Variants in WWC2 observed in about 807,000 individuals in gnomAD.
The protein encoded by WWC2 is WW and C2 domain containing 2, also known as protein WWC2.
In WWC2, 101 loss-of-function variants were observed where a neutral mutation model predicts 138.5. The observed-to-expected ratio is 0.73, with a 90% CI of 0.62 to 0.86. The LOEUF (loss-of-function observed/expected upper bound fraction) is 0.86. Among genes scored for constraint, WWC2 ranks in the 40% least tolerant of loss-of-function variants. The pLI, the probability that WWC2 is intolerant of heterozygous loss-of-function variation, is 0.00. For synonymous variants in WWC2, 558 were observed against 538.4 expected (o/e 1.04, Z -0.50); for missense variants, 1,420 against 1,419.4 (o/e 1.00, Z -0.01).
At chr4:183,135,314 T>A (rs1186486107) in intron 1 of WWC2, among the ~76,000 whole-genome samples, 4 of 152,202 alleles carry the variant, frequency 2.6e-5, no homozygotes, top group African/African-American at 9.7e-5. Context: ...TACTTTTTGT[T>A]TCCCCTGCCT....
intron 10 of WWC2, among the ~76,000 whole-genome samples, 167 bp from the exon 11 acceptor site, chr4:183,260,743 C>T (rs555109922): frequency 3.9e-5 from 6 of 152,332 alleles, no homozygotes; most frequent in Non-Finnish European, 8.8e-5. Flanking sequence ...TAGACCAGGT[C>T]GTTAACTGAC....
At chr4:183,220,557 G>A (rs933075300) in intron 4 of WWC2, among the ~76,000 whole-genome samples, 15 of 151,298 alleles carry the variant, frequency 9.9e-5, no homozygotes, top group East Asian at 3.9e-4. Context: ...AAAAATGGCC[G>A]GGCGCGGTGG....
In WWC2 at chr4:183,314,321, C is replaced by T. The variant is rs139228344; in HGVS notation, c.3513-1342C>T. Among the ~76,000 whole-genome samples the T allele has an allele frequency of 5.9e-5, 9 of 152,296 alleles. No homozygotes were observed. In the South Asian group the frequency reaches 8.3e-4, roughly 14 times the overall value. On this transcript the variant is annotated intron_variant, in intron 22 of 22. Transcript: ENST00000403733. ...TTAGAGAATAAGCAGCATTGTCTAG[C>T]GTGGAAAGTCACACAACTCGCAGTT...
intron 1 of WWC2, among the ~76,000 whole-genome samples, chr4:183,112,859 G>A (rs187591921): frequency 1.8e-4 from 28 of 152,124 alleles, no homozygotes; most frequent in African/African-American, 6.5e-4. Context: ...GAAGATCTGG[G>A]GGGAAGAGTG....
chr4:183,159,728 TTA>T (rs764592026), intron 1 of WWC2, among the ~76,000 whole-genome samples: 4,155 of 57,564 alleles, frequency 0.072, 57 homozygotes, highest in Admixed American at 0.1. Context: ...TTTTTTTTTT[TTA>T]AAAAAAAAAA....
At chr4:183,261,936 A>T (rs1434292389) in intron 11 of WWC2, among the ~76,000 whole-genome samples, 1 of 152,212 alleles carries the variant, frequency 6.6e-6, no homozygotes, top group Non-Finnish European at 1.5e-5. Flanking sequence ...ATTAGTACCA[A>T]GGTTCAGTGT....
intron 12 of WWC2, 137 bp downstream of exon 12, chr4:183,265,244 T>A: frequency 1.6e-6 from 2 of 1,266,406 alleles, no homozygotes; most frequent in Non-Finnish European, 2.1e-6. Flanking sequence ...AGAAGTGGTG[T>A]GCCTGAAAAG....
intron 9 of WWC2, among the ~76,000 whole-genome samples, chr4:183,256,486 C>T (rs148091770): frequency 1.0e-3 from 156 of 152,252 alleles, no homozygotes; most frequent in African/African-American, 3.3e-3. Flanking sequence ...GTGTCTTCCT[C>T]CTGTGTGTGT....
intron 1 of WWC2, among the ~76,000 whole-genome samples, chr4:183,102,297 AGT>A (rs1479814080): frequency 1.3e-5 from 2 of 152,160 alleles, no homozygotes; most frequent in South Asian, 2.1e-4. Context: ...GTATTAGTGT[AGT>A]GTTGACATTC....
Position 183,247,620 on chromosome 4 carries a change from A to AC in WWC2, c.733-1094_733-1093insC, listed in dbSNP as rs1480555172. ...GCTATATATGCTATATATACTATAT[A>AC]TACTATATACTATATATACTATATA... On this transcript the variant is annotated intron_variant, in intron 6 of 22. Coordinates refer to ENST00000403733, the MANE Select transcript of WWC2 (RefSeq NM_024949.6). 1.6e-3 allele frequency among the ~76,000 whole-genome samples: 218 copies of AC among 139,228 alleles called. 2 individuals carry two copies. Among genetic ancestry groups the AC allele is most frequent in the African/African-American group, 5.7e-3 (211 of 37,298 alleles). 91.3% of individuals were successfully genotyped at this position (139,228 alleles called of 152,430 possible).
At chr4:183,224,796 A>G (rs537310121) in intron 4 of WWC2, among the ~76,000 whole-genome samples, 7 of 152,268 alleles carry the variant, frequency 4.6e-5, no homozygotes, top group African/African-American at 1.4e-4. Flanking sequence ...CCTGACCTCA[A>G]GTGATCTGCC....
chr4:183,195,209 A>T (rs1259991646), intron 2 of WWC2, among the ~76,000 whole-genome samples: 1 of 152,336 alleles, frequency 6.6e-6, no homozygotes, highest in African/African-American at 2.4e-5. Context: ...CAAGTCAGTG[A>T]AATATCTGAA....
chr4:183,218,855 C>T (rs1229380740), intron 4 of WWC2, among the ~76,000 whole-genome samples: 1 of 152,214 alleles, frequency 6.6e-6, no homozygotes, highest in African/African-American at 2.4e-5. Flanking sequence ...AATCTGTATA[C>T]TCAGAGTTCA....
rs761856285 is a variant in WWC2 at position 183,319,894 on chromosome 4, C to T, written c.*4165C>T. ...CGCCTCTTGAGATCTCTCTGACTCT[C>T]TCCAATTCTCAAACAGTCCAGGCCA... On this transcript the variant is annotated 3_prime_UTR_variant, in exon 23 of 23. Transcript: ENST00000403733. 8.7e-6 allele frequency: 14 copies of T among 1,613,830 alleles called. No individual in the cohort carries two copies. The South Asian group carries it at 1.3e-4, about 15-fold the overall frequency.
intron 21 of WWC2, among the ~76,000 whole-genome samples, chr4:183,305,688 A>G (rs1197947131): frequency 2.0e-5 from 3 of 152,242 alleles, no homozygotes; most frequent in Non-Finnish European, 4.4e-5. Flanking sequence ...AAAGTGAAGG[A>G]GAATAAATAT....
In WWC2 at chr4:183,142,382, C is replaced by A. The variant is rs1173292411; in HGVS notation, c.131+42760C>A. On this transcript the variant is annotated intron_variant, in intron 1 of 22. Transcript: ENST00000403733. ...TTACAGGGATTAGGTTGCCACCCCT[C>A]CCCTTTTAAAATCAAGATAACTGTT... 2.6e-5 allele frequency among the ~76,000 whole-genome samples: 4 copies of A among 152,172 alleles called. No individual in the cohort carries two copies. The East Asian group carries it at 5.8e-4, about 22-fold the overall frequency.
At chr4:183,173,531 AC>A (rs1342558405) in intron 1 of WWC2, among the ~76,000 whole-genome samples, 1 of 152,034 alleles carries the variant, frequency 6.6e-6, no homozygotes, top group Non-Finnish European at 1.5e-5. Flanking sequence ...AGTAATACCA[AC>A]CATTCTGGCT....
intron 2 of WWC2, among the ~76,000 whole-genome samples, chr4:183,202,723 CTCTA>C (rs993247123): frequency 2.6e-5 from 4 of 152,148 alleles, no homozygotes; most frequent in Non-Finnish European, 5.9e-5. Context: ...TTACAGCTGA[CTCTA>C]TCCCATTTTC....
At chr4:183,200,053 C>T (rs1580050926) in intron 2 of WWC2, among the ~76,000 whole-genome samples, 2 of 152,266 alleles carry the variant, frequency 1.3e-5, no homozygotes. Flanking sequence ...TTTGGGAACC[C>T]TCTTTTGTAG....
Sources: gnomAD v4.1 joint callset for allele counts (sites outside exome capture counted in the v4.1 genomes callset) on GRCh38, gnomAD v4.1.1 for gene constraint, MANE v1.5 for transcripts, NCBI Gene and HGNC (gene_info 2026-07-23, HGNC 2026-07-21) for gene names.